Variants in SART3 observed in about 807,000 individuals in gnomAD.
SART3 encodes HIV-1 Tat-interacting protein of 110kDa.
SART3 carries 44 observed loss-of-function variants against 122.3 expected under a neutral mutation model. The observed-to-expected ratio is 0.36, with a 90% confidence interval of 0.28 to 0.46. SART3 has a LOEUF of 0.46. SART3 is among the 20% of genes least tolerant of loss of function. The pLI, the probability that SART3 is intolerant of heterozygous loss-of-function variation, is 1.00. For missense variants in SART3, 1,101 were observed against 1,229.0 expected (o/e 0.90, Z 1.56); for synonymous variants, 442 against 454.0 (o/e 0.97, Z 0.34).
intron 17 of SART3, 88 bp from the exon 18 acceptor site, chr12:108,524,594 C>G (rs1426504911): frequency 1.6e-6 from 2 of 1,253,652 alleles, no homozygotes; most frequent in Non-Finnish European, 2.3e-6. Flanking sequence ...GGCTTCCTCC[C>G]GGAGACCAGC....
rs573402826 is a variant in SART3, at chr12:108,523,006, A to G, written c.*451T>C. On this transcript the variant is annotated 3_prime_UTR_variant, in exon 19 of 19. Transcript: ENST00000546815. ...GACTTCCCTCAGACCCACCCCCACA[A>G]GAGGCCATTCTGTGAATTACTAGCA... 5.4e-6 allele frequency: 1 copy of G among 184,842 alleles called. No homozygotes were observed. Among genetic ancestry groups the G allele is most frequent in the African/African-American group, 2.4e-5 (1 of 42,478 alleles). 11.5% of individuals were successfully genotyped at this position (184,842 alleles called of 1,614,324 possible).
chr12:108,559,333 T>C (rs1439333178), intron 1 of SART3, among the ~76,000 whole-genome samples: 3 of 152,174 alleles, frequency 2.0e-5, no homozygotes, highest in African/African-American at 7.2e-5. Context: ...AGGAAATCAT[T>C]TCATCATTTG....
At chr12:108,531,340 A>G in intron 13 of SART3, 60 bp from the exon 14 acceptor site, 1 of 1,389,936 alleles carries the variant, frequency 7.2e-7, no homozygotes, top group Non-Finnish European at 1.0e-6. Context: ...ACAATCACAT[A>G]AATTTTTCTT....
intron 18 of SART3, 174 bp downstream of exon 18, chr12:108,524,142 C>G: frequency 5.8e-6 from 4 of 685,596 alleles, no homozygotes. Context: ...AGGCTTGCAT[C>G]CTGCTCTGGA....
intron 2 of SART3, among the ~76,000 whole-genome samples, chr12:108,548,847 A>C (rs1208198990): frequency 6.6e-6 from 1 of 152,270 alleles, no homozygotes; most frequent in African/African-American, 2.4e-5. Flanking sequence ...ATTACATTAC[A>C]AATGTTTACC....
intron 1 of SART3, among the ~76,000 whole-genome samples, chr12:108,558,922 A>G (rs1464438767): frequency 2.7e-5 from 4 of 150,758 alleles, no homozygotes; most frequent in South Asian, 4.2e-4. Flanking sequence ...AGTCCCAGCT[A>G]CTCGGGGGGC....
chr12:108,555,385 C>T (rs1214317071), intron 1 of SART3, among the ~76,000 whole-genome samples: 2 of 152,172 alleles, frequency 1.3e-5, no homozygotes, highest in Non-Finnish European at 2.9e-5. Flanking sequence ...AAAGACTTGG[C>T]CGGGGGCGGT....
Position 108,525,457 on chromosome 12 carries a change from C to G in SART3, c.2523G>C (p.Lys841Asn). ...RLVTNRAGKP[K>N]GLAYVEYENE... ...AGGCACAATCTGCTCTGACTCTGAC[C>G]TTTGGTTTGCCAGCCCGGTTGGTGA... Residue 841 changes from lysine to asparagine, a missense_variant and splice_region_variant, in exon 17 of 19, where the codon AAG (lysine) becomes AAC (asparagine). Lys to Asn is a moderately conservative substitution (Grantham distance 94, BLOSUM62 0). Coordinates refer to ENST00000546815, the MANE Select transcript of SART3 (RefSeq NM_014706.4). 6.2e-7 allele frequency: 1 copy of G among 1,614,166 alleles called. No homozygotes were observed. The highest frequency in any genetic ancestry group is 8.5e-7 in the Non-Finnish European group (1 of 1,180,030).
chr12:108,537,007 G>C, intron 9 of SART3: 1 of 555,850 alleles, frequency 1.8e-6, no homozygotes. Context: ...CAAACACAGG[G>C]TGCTGTGGGG....
chr12:108,542,941 C>T (rs1873234790), intron 6 of SART3, 87 bp downstream of exon 6: 1 of 1,540,896 alleles, frequency 6.5e-7, no homozygotes. Flanking sequence ...CAGAATAAAA[C>T]ATTTTAAAGA....
intron 6 of SART3, among the ~76,000 whole-genome samples, chr12:108,540,084 A>G (rs1446981789): frequency 1.3e-5 from 2 of 152,212 alleles, no homozygotes; most frequent in African/African-American, 4.8e-5. Flanking sequence ...AGCCCAAAAA[A>G]CTTCAAGCCA....
At chr12:108,524,163 C>G (rs1872258553) in intron 18 of SART3, 153 bp downstream of exon 18, 4 of 765,490 alleles carry the variant, frequency 5.2e-6, no homozygotes, top group East Asian at 5.0e-5. Context: ...CGCCTTGCTC[C>G]AGTGGAACCA....
intron 4 of SART3, chr12:108,544,849 G>A: frequency 1.7e-6 from 1 of 572,110 alleles, no homozygotes; most frequent in Non-Finnish European, 3.1e-6. Context: ...ACAAGCATGA[G>A]CCACCGCACT....
chr12:108,543,536 CA>C (rs1873262791), intron 5 of SART3, among the ~76,000 whole-genome samples: 1 of 152,194 alleles, frequency 6.6e-6, no homozygotes, highest in East Asian at 1.9e-4. Flanking sequence ...TGCTCGTCTA[CA>C]GTTAATGGTA....
At chr12:108,528,773 TG>T (rs1593233868) in intron 15 of SART3, among the ~76,000 whole-genome samples, 1 of 151,844 alleles carries the variant, frequency 6.6e-6, no homozygotes, top group Non-Finnish European at 1.5e-5. Context: ...AGGGGCCGGG[TG>T]GAGTAACTGA....
At chr12:108,546,239 G>A (rs555177012) in intron 3 of SART3, among the ~76,000 whole-genome samples, 4 of 152,196 alleles carry the variant, frequency 2.6e-5, no homozygotes, top group East Asian at 3.9e-4. Context: ...TCGTTCTGTC[G>A]CCCAGGCTAG....
At chr12:108,524,538 A>C in intron 17 of SART3, 32 bp from the exon 18 acceptor site, 2 of 1,608,374 alleles carry the variant, frequency 1.2e-6, no homozygotes, top group Non-Finnish European at 1.7e-6. Context: ...ACCAAGTCAG[A>C]TCCCGCAGAC....
rs750172210 is a variant in SART3, at chr12:108,526,698, G to GAGA, written c.1916-148_1916-146dup. Reference sequence around the variant, plus strand: ...GACTCGGAGGGGCAAGCACCACCCCGAGAAGTCTTTTGTGATCCGCCTGAC... The same window carrying GAGA: ...GACTCGGAGGGGCAAGCACCACCCCGAGAAGAAGTCTTTTGTGATCCGCCTGAC... On this transcript the variant is annotated intron_variant, in intron 15 of 18. Coordinates refer to ENST00000546815, the MANE Select transcript of SART3 (RefSeq NM_014706.4). 222 of 881,582 alleles carry GAGA rather than the reference G, an allele frequency of 2.5e-4. 1 individual carries two copies. In the Middle Eastern group the frequency reaches 2.9e-3, roughly 12 times the overall value. 54.6% of individuals were successfully genotyped at this position (881,582 alleles called of 1,614,324 possible). A position where few individuals can be genotyped will look rare whatever the true frequency, so the allele number is the denominator to read the frequency against.
chr12:108,537,417 C>G, intron 9 of SART3, 71 bp downstream of exon 9: 1 of 1,158,130 alleles, frequency 8.6e-7, no homozygotes, highest in East Asian at 2.4e-5. Flanking sequence ...ATCTGGGGAA[C>G]TGGGACATCT....
Sources: gnomAD v4.1 joint callset for allele counts (sites outside exome capture counted in the v4.1 genomes callset) on GRCh38, gnomAD v4.1.1 for gene constraint, MANE v1.5 for transcripts, NCBI Gene and HGNC (gene_info 2026-07-23, HGNC 2026-07-21) for gene names.